PDE5A: variants seen among roughly 807,000 people sequenced by gnomAD.
PDE5A encodes the protein cGMP-specific 3',5'-cyclic phosphodiesterase.
PDE5A carries 67 observed loss-of-function variants against 110.2 expected under a neutral mutation model. The ratio of observed to expected loss-of-function variants is 0.61; its 90% CI spans 0.50 to 0.75. PDE5A has a LOEUF of 0.75. PDE5A is among the 30% of genes least tolerant of loss of function. The pLI is 0.00. For missense variants in PDE5A, 862 were observed against 1,045.1 expected (o/e 0.82, Z 2.42); for synonymous variants, 328 against 351.2 (o/e 0.93, Z 0.74).
At chr4:119,616,793 A>G (rs960093686) in intron 1 of PDE5A, among the ~76,000 whole-genome samples, 1 of 152,082 alleles carries the variant, frequency 6.6e-6, no homozygotes. Context: ...GTGAATGGTT[A>G]TCAACTTTTA....
rs901568208 is a variant in PDE5A, at chr4:119,562,967, G to A, written c.997C>T (p.Leu333=). 3 of 1,562,932 alleles carry A rather than the reference G, an allele frequency of 1.9e-6. No individual in the cohort carries two copies. The highest frequency in any genetic ancestry group is 1.4e-5 in the African/African-American group (1 of 71,488). The change falls in exon 6 of 21, where the codon CTG becomes TTG. Residue 333 remains leucine (L), a synonymous_variant. Coordinates refer to ENST00000354960, the MANE Select transcript of PDE5A (RefSeq NM_001083.4). ...AAAATTAAACTAGCAAGGTCAAGCA[G>A]CACCTAGACAAAAAAATTAGGAGCT... The part of the protein sequence containing the change: ...SLLENKRNQV[L]LDLASLIFEE...
intron 3 of PDE5A, among the ~76,000 whole-genome samples, chr4:119,572,268 C>T (rs1418531097): frequency 6.6e-6 from 1 of 152,182 alleles, no homozygotes; most frequent in Non-Finnish European, 1.5e-5. Context: ...ATTATCAACA[C>T]TTTGCATTAT....
Position 119,628,558 on chromosome 4 carries a change from C to T in PDE5A, c.114G>A (p.Trp38Ter). 6.2e-7 allele frequency: 1 copy of T among 1,605,308 alleles called. No individual in the cohort carries two copies. The highest frequency in any genetic ancestry group is 2.2e-5 in the East Asian group (1 of 44,548). ...TAACAAAGTATGAGAAGGTAAAGTC[C>T]CAGTGATCGTCCAGCCATGCTTCGA... ...DSVEAWLDDH[W>*]DFTFSYFVRK... is the part of the protein sequence containing the mutation. The change falls in exon 1 of 21, where the codon TGG becomes TGA. Residue 38 changes from tryptophan to a stop codon, truncating the protein, a stop_gained. Transcript: ENST00000354960. LOFTEE classifies it high-confidence loss of function.
In PDE5A at chr4:119,627,031, C is replaced by A; in HGVS notation, c.152+1489G>T. ...ACAACAACAACAAAAGTTATACAGT[C>A]AATTTTCAATGATACATCGTCCCAC... is the stretch of plus-strand genomic sequence containing the variant. On this transcript the variant is annotated intron_variant, in intron 1 of 20. Coordinates refer to ENST00000354960, the MANE Select transcript of PDE5A (RefSeq NM_001083.4). This position sits in a 1 kb window ranked among gnomAD's most constrained non-coding sequence, Gnocchi z 4.6. 7 of 1,138,590 alleles carry A rather than the reference C, an allele frequency of 6.1e-6. No individual in the cohort carries two copies. The highest frequency in any genetic ancestry group is 1.4e-5 in the South Asian group (1 of 73,028). The allele number at this position is 1,138,590 out of a possible 1,614,324, so 70.5% of individuals were successfully genotyped here.
intron 3 of PDE5A, among the ~76,000 whole-genome samples, chr4:119,592,123 G>C (rs1448011657): frequency 8.9e-6 from 1 of 112,336 alleles, no homozygotes; most frequent in East Asian, 2.8e-4. Flanking sequence ...CTGCACTCCA[G>C]CCTGGTGACA....
rs770694749 is a variant in PDE5A, at chr4:119,567,121, G to T, written c.855C>A (p.Ile285=). 5.6e-6 allele frequency: 9 copies of T among 1,613,138 alleles called. No homozygotes were observed. The African/African-American group carries it at 1.1e-4, about 19-fold the overall frequency. The change falls in exon 4 of 21, where the codon ATC becomes ATA. Residue 285 remains isoleucine, a synonymous_variant. Transcript: ENST00000354960. ...TCCCACCGTTTCCTGATTTCTTGTT[G>T]ATGGCCTGGGCTACACCAACAACCT... ...REEVVGVAQA[I]NKKSGNGGTF...
At chr4:119,553,767 A>T (rs1177812567) in intron 7 of PDE5A, 21 bp from the exon 8 acceptor site, 1 of 1,232,684 alleles carries the variant, frequency 8.1e-7, no homozygotes, top group African/African-American at 1.5e-5. Flanking sequence ...AACAGATATG[A>T]GTTCCCTCTG....
At chr4:119,595,539 A>G (rs1729123435) in intron 3 of PDE5A, among the ~76,000 whole-genome samples, 1 of 152,158 alleles carries the variant, frequency 6.6e-6, no homozygotes, top group Non-Finnish European at 1.5e-5. Flanking sequence ...AAGGGCCCAA[A>G]CAGAACAAAA....
intron 2 of PDE5A, among the ~76,000 whole-genome samples, chr4:119,605,529 C>T (rs1419538635): frequency 6.6e-6 from 1 of 152,006 alleles, no homozygotes; most frequent in African/African-American, 2.4e-5. Context: ...TACCTGTAAT[C>T]CCAGCTACTC....
At chr4:119,536,449 A>G (rs902127955) in intron 11 of PDE5A, among the ~76,000 whole-genome samples, 7 of 152,220 alleles carry the variant, frequency 4.6e-5, no homozygotes, top group African/African-American at 1.4e-4. Flanking sequence ...TTCTAGGAAG[A>G]ATAGACAAAT....
intron 11 of PDE5A, among the ~76,000 whole-genome samples, chr4:119,533,103 T>C (rs1321803099): frequency 1.3e-5 from 2 of 152,176 alleles, no homozygotes; most frequent in Non-Finnish European, 2.9e-5. Flanking sequence ...TAAAGGTATT[T>C]TGTTATATTG....
chr4:119,581,861 A>T (rs975302797), intron 3 of PDE5A, among the ~76,000 whole-genome samples: 12 of 152,266 alleles, frequency 7.9e-5, no homozygotes, highest in Admixed American at 3.3e-4. Context: ...TCTAAAAAAC[A>T]ATGTACATAC....
chr4:119,534,410 G>A (rs752968986), intron 11 of PDE5A, among the ~76,000 whole-genome samples: 9 of 152,106 alleles, frequency 5.9e-5, no homozygotes, highest in South Asian at 2.1e-4. Context: ...GAGGGATCTC[G>A]GTTGCATGCT....
chr4:119,619,547 C>A (rs1485587480), intron 1 of PDE5A, among the ~76,000 whole-genome samples: 1 of 152,164 alleles, frequency 6.6e-6, no homozygotes, highest in East Asian at 1.9e-4. Flanking sequence ...CCCACAAAAA[C>A]TTCTGTTCGA....
intron 19 of PDE5A, 41 bp from the exon 20 acceptor site, chr4:119,501,294 T>C (rs936653872): frequency 5.2e-6 from 6 of 1,163,772 alleles, no homozygotes; most frequent in Admixed American, 3.4e-5. Context: ...GATGTGCATT[T>C]ATTTATTTAG....
rs116163213 is a variant in PDE5A, at chr4:119,554,865, A to G, written c.1200-1119T>C. On this transcript the variant is annotated intron_variant, in intron 7 of 20. Coordinates refer to ENST00000354960, the MANE Select transcript of PDE5A (RefSeq NM_001083.4). ...GTGGATGTGCATAGGTTATAGGCAA[A>G]TACTACATCATTTTATACAAGGGAC... Among the ~76,000 whole-genome samples, 977 of 152,312 alleles carry G rather than the reference A, an allele frequency of 6.4e-3. 8 individuals are homozygous for G. Among genetic ancestry groups the G allele is most frequent in the African/African-American group, 0.023 (938 of 41,566 alleles).
At chr4:119,600,372 G>A (rs889762512) in intron 2 of PDE5A, among the ~76,000 whole-genome samples, 37 of 152,168 alleles carry the variant, frequency 2.4e-4, no homozygotes, top group Middle Eastern at 3.4e-3. Flanking sequence ...ATATAGATGT[G>A]TATGTATATT....
At chr4:119,575,939 C>A (rs1189438100) in intron 3 of PDE5A, among the ~76,000 whole-genome samples, 4 of 152,096 alleles carry the variant, frequency 2.6e-5, no homozygotes, top group African/African-American at 4.8e-5. Context: ...ATTCAGGAAA[C>A]CCATCTCAAG....
chr4:119,559,518 T>C (rs1267525783), intron 7 of PDE5A, among the ~76,000 whole-genome samples: 2 of 152,170 alleles, frequency 1.3e-5, no homozygotes, highest in African/African-American at 4.8e-5. Context: ...TCATTATTTA[T>C]GCAAGCCAAA....
Sources: gnomAD v4.1 joint callset for allele counts (sites outside exome capture counted in the v4.1 genomes callset) on GRCh38, gnomAD v4.1.1 for gene constraint, Gnocchi (gnomAD v3.1) non-coding constraint, MANE v1.5 for transcripts, NCBI Gene and HGNC (gene_info 2026-07-23, HGNC 2026-07-21) for gene names.